Variants in CRISP1 observed in about 807,000 individuals in gnomAD.
CRISP1 encodes cysteine rich secretory protein 1.
In CRISP1, 44 loss-of-function variants were observed where a neutral mutation model predicts 33.1. The ratio of observed to expected loss-of-function variants is 1.33; its 90% CI spans 1.05 to 1.71. CRISP1 has a LOEUF of 1.71. Among genes scored for constraint, CRISP1 ranks in the 40% most tolerant of loss-of-function variants. The pLI, the probability that CRISP1 is intolerant of heterozygous loss-of-function variation, is 0.00. For synonymous variants in CRISP1, 103 were observed against 98.7 expected (o/e 1.04, Z -0.26); for missense variants, 390 against 301.2 (o/e 1.29, Z -2.18).
intron 1 of CRISP1, among the ~76,000 whole-genome samples, chr6:49,865,018 T>C (rs935599858): frequency 1.1e-4 from 17 of 152,194 alleles, no homozygotes; most frequent in Non-Finnish European, 2.4e-4. Context: ...AAAGGCATTT[T>C]CTTCTATAAG....
intron 1 of CRISP1, among the ~76,000 whole-genome samples, chr6:49,863,854 T>C (rs1226539300): frequency 6.6e-6 from 1 of 152,196 alleles, no homozygotes; most frequent in Non-Finnish European, 1.5e-5. Flanking sequence ...AAGAAATACA[T>C]CTTCTTTTTA....
chr6:49,850,684 T>C (rs1771319298), intron 3 of CRISP1, among the ~76,000 whole-genome samples: 1 of 152,196 alleles, frequency 6.6e-6, no homozygotes, highest in African/African-American at 2.4e-5. Context: ...ATCGTCTTCT[T>C]GATATTTCAT....
chr6:49,861,649 C>T lies in CRISP1; in HGVS notation c.-2-4247G>A, dbSNP rs933015310. 9.9e-5 allele frequency among the ~76,000 whole-genome samples: 15 copies of T among 151,954 alleles called. 1 individual carries two copies. The highest frequency in any genetic ancestry group is 5.3e-4 in the Admixed American group (8 of 15,234). On this transcript the variant is annotated intron_variant, in intron 1 of 7. Coordinates refer to ENST00000335847, the MANE Select transcript of CRISP1 (RefSeq NM_001131.3). ...CTGTAGTTCCAGCACTTTGGGAGGC[C>T]GAGGTGGGCAAATCACTTGAGGTCA...
intron 3 of CRISP1, among the ~76,000 whole-genome samples, chr6:49,850,252 A>G (rs1771309985): frequency 6.6e-6 from 1 of 152,062 alleles, no homozygotes; most frequent in Non-Finnish European, 1.5e-5. Flanking sequence ...TATAATAATA[A>G]TAAAATAAAA....
At chr6:49,858,756 A>T (rs1364084656) in intron 1 of CRISP1, among the ~76,000 whole-genome samples, 1 of 152,136 alleles carries the variant, frequency 6.6e-6, no homozygotes, top group Non-Finnish European at 1.5e-5. Flanking sequence ...AAAGCAGATA[A>T]TATTAACCCT....
chr6:49,856,908 C>T (rs1771511720), intron 2 of CRISP1, among the ~76,000 whole-genome samples: 1 of 151,990 alleles, frequency 6.6e-6, no homozygotes, highest in Admixed American at 6.6e-5. Context: ...CTAATCAGCT[C>T]CTCACGTTGC....
chr6:49,852,017 C>A lies in CRISP1; in HGVS notation c.179G>T (p.Ser60Ile). Residue 60 changes from serine to isoleucine, a missense_variant, in exon 3 of 8, where the codon AGC (serine) becomes ATC (isoleucine). By Grantham distance (142) the Ser-to-Ile change is moderately radical (BLOSUM62 -2). Transcript: ENST00000335847. ...TGATCTTACCATCTTCAGCATGTTG[C>A]TGGCTGGTGGAACTACTCTTCTCCT... ...ALRRRVVPPA[S>I]NMLKMSWSEE... 6.2e-7 allele frequency: 1 copy of A among 1,609,592 alleles called. No individual in the cohort carries two copies. The highest frequency in any genetic ancestry group is 8.5e-7 in the Non-Finnish European group (1 of 1,178,548).
chr6:49,846,429 G>A (rs537241954), intron 5 of CRISP1, 91 bp downstream of exon 5: 1 of 1,305,960 alleles, frequency 7.7e-7, no homozygotes, highest in Non-Finnish European at 1.1e-6. Context: ...GCCATAAGAA[G>A]GTAGAATGAT....
chr6:49,835,549 TTGCTAACTAAATTTAATTAGCATA>T (rs1238805331), intron 7 of CRISP1, 106 bp from the exon 8 acceptor site: 1 of 1,088,910 alleles, frequency 9.2e-7, no homozygotes, highest in Non-Finnish European at 1.3e-6. Context: ...TTATTAACAA[TTGCTAACTAAATTTAATTAGCATA>T]AGCTAACTAA....
intron 1 of CRISP1, among the ~76,000 whole-genome samples, chr6:49,862,404 G>GA (rs1411305392): frequency 7.2e-6 from 1 of 138,826 alleles, no homozygotes; most frequent in Non-Finnish European, 1.6e-5. Context: ...ACTGATATTA[G>GA]AAAAATATAT....
At chr6:49,864,891 G>C (rs565479283) in intron 1 of CRISP1, among the ~76,000 whole-genome samples, 2 of 152,162 alleles carry the variant, frequency 1.3e-5, no homozygotes, top group African/African-American at 4.8e-5. Context: ...TTAAACAAAA[G>C]TTTCTAATTC....
intron 3 of CRISP1, among the ~76,000 whole-genome samples, chr6:49,848,919 T>C (rs1771267457): frequency 6.6e-6 from 1 of 152,130 alleles, no homozygotes; most frequent in African/African-American, 2.4e-5. Context: ...AAAAAAATAT[T>C]ATATCCATTT....
At chr6:49,835,977 C>A (rs1392551345) in intron 7 of CRISP1, among the ~76,000 whole-genome samples, 1 of 152,134 alleles carries the variant, frequency 6.6e-6, no homozygotes, top group African/African-American at 2.4e-5. Flanking sequence ...GATGTGCACG[C>A]ACCTACATCC....
intron 1 of CRISP1, among the ~76,000 whole-genome samples, chr6:49,860,966 A>T (rs544992537): frequency 2.3e-4 from 35 of 152,172 alleles, no homozygotes; most frequent in African/African-American, 7.5e-4. Context: ...AATCATGGAT[A>T]ACTATATACT....
intron 1 of CRISP1, among the ~76,000 whole-genome samples, chr6:49,876,249 A>G (rs541759852): frequency 6.6e-6 from 1 of 152,318 alleles, no homozygotes; most frequent in Admixed American, 6.5e-5. Flanking sequence ...ATACTTCTCA[A>G]AAGAAGACAT....
chr6:49,847,353 A>G (rs1771211330), intron 4 of CRISP1, among the ~76,000 whole-genome samples: 1 of 152,124 alleles, frequency 6.6e-6, no homozygotes, highest in Admixed American at 6.5e-5. Context: ...GCCTGACCGG[A>G]GACGTTTACC....
intron 1 of CRISP1, among the ~76,000 whole-genome samples, chr6:49,866,185 C>T (rs952170922): frequency 1.3e-5 from 2 of 152,008 alleles, no homozygotes; most frequent in Non-Finnish European, 2.9e-5. Flanking sequence ...CTTCTAAGCC[C>T]TCCCCAAGAA....
At chr6:49,841,233 G>A (rs1234481786) in intron 5 of CRISP1, among the ~76,000 whole-genome samples, 1 of 152,134 alleles carries the variant, frequency 6.6e-6, no homozygotes, top group African/African-American at 2.4e-5. Flanking sequence ...CTGACGGGGA[G>A]GATGACTTGA....
In CRISP1 at chr6:49,875,790, C is replaced by T. The variant is rs563440460; in HGVS notation, c.-3+1219G>A. 3.4e-3 allele frequency among the ~76,000 whole-genome samples: 519 copies of T among 151,762 alleles called. 1 individual carries two copies. The highest frequency in any genetic ancestry group is 6.0e-3 in the Non-Finnish European group (410 of 67,780). On this transcript the variant is annotated intron_variant, in intron 1 of 7. Coordinates refer to the CRISP1 transcript ENST00000505118. ...CTTTGACAAACCTGACAAAAACAAG[C>T]GATGGGTAAGTATTTCTATTGAATA... is the stretch of plus-strand genomic sequence containing the variant.
Sources: allele counts gnomAD v4.1 joint callset (sites outside exome capture counted in the v4.1 genomes callset), GRCh38; gene constraint gnomAD v4.1.1; transcripts MANE v1.5; gene names NCBI Gene and HGNC (gene_info 2026-07-23, HGNC 2026-07-21).